The following NINJ2 variants were observed in gnomAD, a reference collection of about 807,000 sequenced individuals.
The protein encoded by NINJ2 is ninjurin 2.
Under a neutral mutation model 11.7 loss-of-function variants are expected in NINJ2, and 12 were observed. The observed-to-expected ratio is 1.02, with a 90% CI of 0.66 to 1.66. The LOEUF is 1.66. Ranked by LOEUF, NINJ2 falls within the 40% of genes most tolerant of loss-of-function variation. The probability of loss-of-function intolerance (pLI) is 0.00; values close to 1 mark genes in which losing one functional copy is unlikely to be tolerated. For missense variants in NINJ2, 187 were observed against 181.8 expected (o/e 1.03, Z -0.16); for synonymous variants, 93 against 76.8 (o/e 1.21, Z -1.10).
At chr12:626,683 A>G (rs900348843) in intron 1 of NINJ2, among the ~76,000 whole-genome samples, 1 of 152,172 alleles carries the variant, frequency 6.6e-6, no homozygotes, top group African/African-American at 2.4e-5. Context: ...TGGCTTTCTC[A>G]CTAGCTGACA....
chr12:658,283 G>A (rs1460294701), intron 1 of NINJ2, among the ~76,000 whole-genome samples: 1 of 152,168 alleles, frequency 6.6e-6, no homozygotes, highest in African/African-American at 2.4e-5. Flanking sequence ...GGGATTACAG[G>A]TGTGAGCCAC....
intron 1 of NINJ2, among the ~76,000 whole-genome samples, chr12:629,892 A>ATATATATAT (rs1427393664): frequency 4.9e-5 from 1 of 20,202 alleles, no homozygotes; most frequent in African/African-American, 8.1e-5. Flanking sequence ...AAAAAAAAAA[A>ATATATATAT]AAAAATATAT....
At chr12:629,896 A>AAAAAAAAAAAAATATATATATATATAT in intron 1 of NINJ2, among the ~76,000 whole-genome samples, 1 of 9,902 alleles carries the variant, frequency 1.0e-4, no homozygotes, top group African/African-American at 1.5e-4. Context: ...AAAAAAAAAA[A>AAAAAAAAAAAAATATATATATATATAT]ATATATATAT....
chr12:581,977 C>T lies in NINJ2; in HGVS notation c.34-15799G>A, dbSNP rs377499027. 1.5e-3 allele frequency among the ~76,000 whole-genome samples: 225 copies of T among 152,316 alleles called. 2 individuals carry two copies. The highest frequency in any genetic ancestry group is 5.3e-3 in the African/African-American group (220 of 41,568). On this transcript the variant is annotated intron_variant, in intron 1 of 3. Coordinates refer to ENST00000305108, the MANE Select transcript of NINJ2 (RefSeq NM_016533.6). The surrounding 1 kb of genome is among the most constrained non-coding windows in gnomAD (Gnocchi z 4.9). ...TCCAATCCACAGCCTCTCCCTGGCT[C>T]CCTGCACTGACCCCATGTGCGGCCA...
chr12:648,977 CCTATCTAT>C (rs71051367), intron 1 of NINJ2, among the ~76,000 whole-genome samples: 1 of 27,916 alleles, frequency 3.6e-5, no homozygotes, highest in Non-Finnish European at 9.7e-5. Context: ...AAGTCATCCA[CCTATCTAT>C]CTATCTATCT....
intron 1 of NINJ2, among the ~76,000 whole-genome samples, chr12:619,994 T>C (rs571484415): frequency 5.9e-5 from 9 of 152,356 alleles, no homozygotes; most frequent in African/African-American, 2.2e-4. Context: ...CCTCAGCCCA[T>C]GGCAGCCGTG....
chr12:565,589 G>A (rs1384740950), intron 2 of NINJ2, 188 bp from the exon 3 acceptor site: 1 of 636,448 alleles, frequency 1.6e-6, no homozygotes, highest in African/African-American at 1.8e-5. Flanking sequence ...GGGCACCCTA[G>A]TGTGCTTCAT....
chr12:624,026 AC>A (rs764698138), intron 1 of NINJ2, among the ~76,000 whole-genome samples: 14 of 152,058 alleles, frequency 9.2e-5, no homozygotes, highest in Non-Finnish European at 1.6e-4. Flanking sequence ...ACAGAGCGAG[AC>A]TCTGTCTCAA....
rs1044385454 is a variant in NINJ2 at position 628,737 on chromosome 12, C to G, written c.33+34591G>C. Among the ~76,000 whole-genome samples the G allele has an allele frequency of 6.6e-6, 1 of 152,130 alleles. No homozygotes were observed. Among genetic ancestry groups the G allele is most frequent in the African/African-American group, 2.4e-5 (1 of 41,428 alleles). ...CAGTAAGGAAGCCTGCCAAAACCCACCAAAACCAAGATGGCAATGAAAGTG... is the reference window on the plus strand; with the variant it reads ...CAGTAAGGAAGCCTGCCAAAACCCAGCAAAACCAAGATGGCAATGAAAGTG... On this transcript the variant is annotated intron_variant, in intron 1 of 3. Transcript: ENST00000305108. This position sits in a 1 kb window ranked among gnomAD's most constrained non-coding sequence, Gnocchi z 4.4.
chr12:658,423 TAAAAG>T (rs982108610), intron 1 of NINJ2, among the ~76,000 whole-genome samples: 11 of 152,066 alleles, frequency 7.2e-5, no homozygotes, highest in African/African-American at 2.7e-4. Flanking sequence ...ATTCAGTACT[TAAAAG>T]AAATGAGCTA....
At chr12:652,586 C>T (rs898399167) in intron 1 of NINJ2, among the ~76,000 whole-genome samples, 1 of 152,008 alleles carries the variant, frequency 6.6e-6, no homozygotes, top group African/African-American at 2.4e-5. Context: ...GAAAAGGGAA[C>T]TATCAAAGAA....
chr12:656,526 G>A (rs1937875478), intron 1 of NINJ2, among the ~76,000 whole-genome samples: 2 of 151,822 alleles, frequency 1.3e-5, no homozygotes, highest in African/African-American at 4.8e-5. Flanking sequence ...AGGGTCTGGT[G>A]GATCACAAGT....
At chr12:588,852 G>A (rs186482001) in intron 1 of NINJ2, among the ~76,000 whole-genome samples, 6 of 152,328 alleles carry the variant, frequency 3.9e-5, no homozygotes, top group Admixed American at 3.3e-4. Context: ...GAAGACTTAA[G>A]AGACTGATAA....
intron 1 of NINJ2, among the ~76,000 whole-genome samples, chr12:607,577 C>T (rs758380620): frequency 4.6e-5 from 7 of 152,158 alleles, no homozygotes; most frequent in Non-Finnish European, 1.0e-4. Flanking sequence ...ATAGGAAAGC[C>T]ATTAAGAAAA....
intron 1 of NINJ2, among the ~76,000 whole-genome samples, chr12:612,202 C>T (rs1948040614): frequency 1.3e-5 from 2 of 152,194 alleles, no homozygotes. Context: ...GGACTGTCTG[C>T]ACGCAGACTA....
At chr12:663,121 A>G (rs576836502) in intron 1 of NINJ2, among the ~76,000 whole-genome samples, 1 of 152,364 alleles carries the variant, frequency 6.6e-6, no homozygotes, top group East Asian at 1.9e-4. Context: ...TGTTTTTCAG[A>G]TATTTCAAAA....
At chr12:658,214 A>C (rs74184512) in intron 1 of NINJ2, among the ~76,000 whole-genome samples, 2 of 152,014 alleles carry the variant, frequency 1.3e-5, no homozygotes, top group East Asian at 3.9e-4. Flanking sequence ...AGCGATAGCC[A>C]GGCTGGTCTC....
chr12:637,754 C>A (rs903182058), intron 1 of NINJ2, among the ~76,000 whole-genome samples: 3 of 152,116 alleles, frequency 2.0e-5, no homozygotes, highest in Non-Finnish European at 4.4e-5. Context: ...TTTGACACAA[C>A]CCAATTCCCT....
At chr12:634,112 A>T (rs1376123613) in intron 1 of NINJ2, among the ~76,000 whole-genome samples, 1 of 151,976 alleles carries the variant, frequency 6.6e-6, no homozygotes, top group Non-Finnish European at 1.5e-5. Context: ...TTCAGTTTGC[A>T]TTTCTCCTTC....
Sources: gnomAD v4.1 joint callset for allele counts (sites outside exome capture counted in the v4.1 genomes callset) on GRCh38, gnomAD v4.1.1 for gene constraint, Gnocchi (gnomAD v3.1) non-coding constraint, MANE v1.5 for transcripts, NCBI Gene and HGNC (gene_info 2026-07-23, HGNC 2026-07-21) for gene names.